Variants in EED observed in about 807,000 individuals in gnomAD.
EED encodes polycomb protein EED.
Under a neutral mutation model 61.0 loss-of-function variants are expected in EED, and 9 were observed. That is an observed-to-expected ratio of 0.15 (90% CI 0.09 to 0.26). EED has a LOEUF of 0.26. Among genes scored for constraint, EED ranks in the 10% least tolerant of loss-of-function variants. EED has a pLI of 1.00. For missense variants in EED, 315 were observed against 542.3 expected (o/e 0.58, Z 4.16); for synonymous variants, 187 against 174.4 (o/e 1.07, Z -0.57).
intron 4 of EED, 83 bp from the exon 5 acceptor site, chr11:86,256,304 C>G: frequency 7.6e-7 from 1 of 1,314,000 alleles, no homozygotes; most frequent in Non-Finnish European, 1.0e-6. Flanking sequence ...AAAACTTTAG[C>G]AGTTCTTTAT....
At chr11:86,268,354 T>C in intron 8 of EED, 102 bp from the exon 9 acceptor site, 1 of 700,820 alleles carries the variant, frequency 1.4e-6, no homozygotes, top group Non-Finnish European at 2.3e-6. Context: ...TTAATAGTCT[T>C]ACATTTTGTT....
chr11:86,254,424 G>A (rs1208571980), intron 3 of EED, among the ~76,000 whole-genome samples: 1 of 150,762 alleles, frequency 6.6e-6, no homozygotes, highest in Non-Finnish European at 1.5e-5. Context: ...GGGTTCTAGC[G>A]ATTCTCCTGT....
At chr11:86,253,084 G>C (rs1945575492) in intron 3 of EED, among the ~76,000 whole-genome samples, 1 of 152,124 alleles carries the variant, frequency 6.6e-6, no homozygotes, top group African/African-American at 2.4e-5. Flanking sequence ...TAAGGCTCTA[G>C]GCCTTTTACT....
intron 3 of EED, 112 bp from the exon 4 acceptor site, chr11:86,255,110 T>G: frequency 1.3e-6 from 1 of 752,106 alleles, no homozygotes; most frequent in Non-Finnish European, 2.1e-6. Flanking sequence ...TTTAAGGCAG[T>G]AGTTTCTGTA....
At chr11:86,269,018 G>A (rs1459909405) in intron 9 of EED, among the ~76,000 whole-genome samples, 1 of 152,096 alleles carries the variant, frequency 6.6e-6, no homozygotes, top group Non-Finnish European at 1.5e-5. Flanking sequence ...CTCAACTTAT[G>A]ATGGGATTAC....
intron 6 of EED, among the ~76,000 whole-genome samples, chr11:86,261,280 T>G (rs1041436882): frequency 6.6e-6 from 1 of 152,234 alleles, no homozygotes; most frequent in African/African-American, 2.4e-5. Flanking sequence ...TGGTCCCAAG[T>G]AAATCCAAAA....
the EED span, chr11:86,284,680 T>G: frequency 6.6e-6 from 1 of 152,270 alleles, no homozygotes; most frequent in Non-Finnish European, 1.5e-5. Context: ...CCCCTGTACT[T>G]CATGAAGCCT....
downstream of EED, among the ~76,000 whole-genome samples, chr11:86,283,589 A>C (rs1946348005): frequency 6.6e-6 from 1 of 152,278 alleles, no homozygotes; most frequent in South Asian, 2.1e-4. Context: ...ATAAGCTAAC[A>C]GTAAGAGGCT....
chr11:86,287,133 A>G, the EED span, among the ~76,000 whole-genome samples: 2 of 151,714 alleles, frequency 1.3e-5, no homozygotes, highest in African/African-American at 4.8e-5. Context: ...GTAACTCACT[A>G]AATTGATTTC....
intron 4 of EED, among the ~76,000 whole-genome samples, 168 bp from the exon 5 acceptor site, chr11:86,256,219 T>G (rs189070952): frequency 8.5e-5 from 13 of 152,360 alleles, no homozygotes; most frequent in African/African-American, 3.1e-4. Context: ...TTTGATCATT[T>G]GTTATGGATT....
chr11:86,257,249 A>G (rs1009155671), intron 5 of EED, among the ~76,000 whole-genome samples: 3 of 148,012 alleles, frequency 2.0e-5, no homozygotes, highest in Non-Finnish European at 4.5e-5. Context: ...CATTGCTCTG[A>G]CTGGTCTTGA....
intron 9 of EED, 33 bp downstream of exon 9, chr11:86,268,594 C>CGTGTGCGTGT: frequency 1.2e-6 from 1 of 819,598 alleles, no homozygotes. Flanking sequence ...GTACTTCCAT[C>CGTGTGCGTGT]GTGTGTGTGT....
downstream of EED, among the ~76,000 whole-genome samples, chr11:86,283,313 T>A (rs1227083478): frequency 6.6e-6 from 1 of 152,210 alleles, no homozygotes; most frequent in East Asian, 1.9e-4. Context: ...AGACTTTAGA[T>A]ATTGCAATTT....
downstream of EED, among the ~76,000 whole-genome samples, chr11:86,281,925 A>G (rs1946328643): frequency 6.6e-6 from 1 of 152,210 alleles, no homozygotes; most frequent in South Asian, 2.1e-4. Flanking sequence ...CAGCTTTGAT[A>G]TGTTGAGTAT....
chr11:86,281,771 C>G (rs554044685), downstream of EED, among the ~76,000 whole-genome samples: 1 of 152,250 alleles, frequency 6.6e-6, no homozygotes, highest in South Asian at 2.1e-4. Context: ...CCATTCCTGC[C>G]CCAGCTTCCC....
At position 86,278,808 on chromosome 11, in the gene EED, T is replaced by G. The variant is rs973060675; in HGVS notation, c.*283T>G. 7.5e-6 allele frequency: 2 copies of G among 266,948 alleles called. No homozygotes were observed. Among genetic ancestry groups the G allele is most frequent in the Non-Finnish European group, 1.4e-5 (2 of 142,002 alleles). 16.5% of individuals were successfully genotyped at this position (266,948 alleles called of 1,614,324 possible). A position where few individuals can be genotyped will look rare whatever the true frequency, so the allele number is the denominator to read the frequency against. On this transcript the variant is annotated 3_prime_UTR_variant, in exon 12 of 12. Transcript: ENST00000263360. Reference sequence around the variant, plus strand: ...AGTAATAAAATTATGCCTTATCTTTTTATAATGGTTGTTTTTTGTAGTTCT... The same window carrying G: ...AGTAATAAAATTATGCCTTATCTTTGTATAATGGTTGTTTTTTGTAGTTCT...
Position 86,245,257 on chromosome 11 carries a change from C to T in EED, c.28C>T (p.Pro10Ser), listed in dbSNP as rs1046364358. MSEREVSTA[P>S]AGTDMPAAKK... ...GTCCGAGAGGGAAGTGTCGACTGCG[C>T]CGGCGGGAACAGACATGCCTGCGGC... Residue 10 changes from proline (P) to serine (S), a missense_variant, in exon 1 of 12, where the codon CCG (proline) becomes TCG (serine). Pro to Ser is a moderately conservative substitution (Grantham distance 74). Transcript: ENST00000263360. 7.4e-6 allele frequency: 12 copies of T among 1,613,088 alleles called. No homozygotes were observed. The highest frequency in any genetic ancestry group is 2.7e-5 in the African/African-American group (2 of 74,796).
intron 9 of EED, chr11:86,270,023 A>G (rs994206325): frequency 1.2e-5 from 8 of 654,204 alleles, no homozygotes; most frequent in Non-Finnish European, 1.9e-5. Context: ...TAGGAGGGCA[A>G]TTGCTGGGTT....
At chr11:86,251,522 A>G (rs537724999) in intron 2 of EED, among the ~76,000 whole-genome samples, 1 of 152,340 alleles carries the variant, frequency 6.6e-6, no homozygotes, top group South Asian at 2.1e-4. Context: ...GAAGTTGGCC[A>G]GTAAAATCCT....
Sources: gnomAD v4.1 joint callset for allele counts (sites outside exome capture counted in the v4.1 genomes callset) on GRCh38, gnomAD v4.1.1 for gene constraint, MANE v1.5 for transcripts, NCBI Gene and HGNC (gene_info 2026-07-23, HGNC 2026-07-21) for gene names.